The following RBM27 variants were observed in gnomAD, a reference collection of about 807,000 sequenced individuals.
RBM27 encodes RNA-binding protein 27.
A neutral mutation model predicts 135.3 loss-of-function variants in RBM27; 22 were observed. The observed-to-expected ratio is 0.16, with a 90% CI of 0.12 to 0.23. The LOEUF (loss-of-function observed/expected upper bound fraction) is 0.23, where lower values mean the gene tolerates loss of function less well. Among genes scored for constraint, RBM27 ranks in the 10% least tolerant of loss-of-function variants. The probability of loss-of-function intolerance (pLI) is 1.00; values close to 1 mark genes in which losing one functional copy is unlikely to be tolerated. For missense variants in RBM27, 1,009 were observed against 1,281.0 expected, an observed-to-expected ratio of 0.79 and a Z score of 3.24; for synonymous variants, 481 against 442.4, an observed-to-expected ratio of 1.09 and a Z score of -1.10.
intron 19 of RBM27, among the ~76,000 whole-genome samples, chr5:146,282,095 A>G (rs1759383508): frequency 7.1e-6 from 1 of 140,468 alleles, no homozygotes; most frequent in African/African-American, 2.7e-5. Flanking sequence ...CCTCCACCTC[A>G]TGGGTTCAAG....
At chr5:146,276,256 T>C (rs958884429) in intron 19 of RBM27, among the ~76,000 whole-genome samples, 1 of 152,196 alleles carries the variant, frequency 6.6e-6, no homozygotes, top group African/African-American at 2.4e-5. Context: ...TATTCTACTG[T>C]CATTTCAGTG....
At chr5:146,270,693 C>A (rs1312061206) in intron 17 of RBM27, among the ~76,000 whole-genome samples, 1 of 152,174 alleles carries the variant, frequency 6.6e-6, no homozygotes, top group Non-Finnish European at 1.5e-5. Context: ...TTATTCTCAG[C>A]TCCCTCATCT....
Position 146,286,614 on chromosome 5 carries a change from A to G in RBM27, c.*584A>G, listed in dbSNP as rs573378504. Reference sequence around the variant, plus strand: ...CATGGTTTTTATGTGTGGTAGTACTAGTTCAGTGAAAATCACAACAAACTG... The same window carrying G: ...CATGGTTTTTATGTGTGGTAGTACTGGTTCAGTGAAAATCACAACAAACTG... On this transcript the variant is annotated 3_prime_UTR_variant, in exon 21 of 21. Transcript: ENST00000265271. The G allele has an allele frequency of 6.6e-6, 1 of 151,426 alleles. No homozygotes were observed. Among genetic ancestry groups the G allele is most frequent in the Admixed American group, 6.6e-5 (1 of 15,194 alleles). 9.4% of individuals were successfully genotyped at this position (151,426 alleles called of 1,614,324 possible). A position where few individuals can be genotyped will look rare whatever the true frequency, so the allele number is the denominator to read the frequency against.
At chr5:146,231,103 C>T in intron 6 of RBM27, among the ~76,000 whole-genome samples, 186 bp downstream of exon 6, 1 of 151,910 alleles carries the variant, frequency 6.6e-6, no homozygotes, top group African/African-American at 2.4e-5. Context: ...CTCGCTGCAA[C>T]CTCCATCTCC....
rs1448655329 is a variant in RBM27 at position 146,288,799 on chromosome 5, A to G, written c.*2769A>G. The G allele has an allele frequency of 6.6e-6, 1 of 152,128 alleles. No individual in the cohort carries two copies. The highest frequency in any genetic ancestry group is 1.9e-4 in the East Asian group (1 of 5,202). 9.4% of individuals were successfully genotyped at this position (152,128 alleles called of 1,614,324 possible). On this transcript the variant is annotated 3_prime_UTR_variant, in exon 21 of 21. Transcript: ENST00000265271. The stretch of plus-strand genomic sequence containing the variant: ...ATTTCCCTCAATTTCTTTATGTAAC[A>G]TTGAAGAAATGTTGTTACCAGCTAA...
chr5:146,242,837 A>T (rs1757462319), intron 8 of RBM27, among the ~76,000 whole-genome samples: 1 of 151,888 alleles, frequency 6.6e-6, no homozygotes, highest in Non-Finnish European at 1.5e-5. Flanking sequence ...ACCTCAGGTG[A>T]TCCTTCCGAC....
chr5:146,224,804 C>G (rs1304138690), intron 3 of RBM27, among the ~76,000 whole-genome samples: 1 of 152,056 alleles, frequency 6.6e-6, no homozygotes, highest in Non-Finnish European at 1.5e-5. Flanking sequence ...GTCTCGAACT[C>G]CCACCTCTGC....
rs1344531455 is a variant in RBM27, at chr5:146,260,881, A to G, written c.1876A>G (p.Thr626Ala). ...KLNEHFSKFGTIVNIQVAFKG... is the reference protein window; with the variant it reads ...KLNEHFSKFGAIVNIQVAFKG... ...CAATGAACACTTCAGCAAATTTGGA[A>G]CTATTGTTAATATCCAGGTAAATGT... The change falls in exon 12 of 21, where the codon ACT (threonine) becomes GCT (alanine). Residue 626 changes from threonine to alanine, a missense_variant. By Grantham distance (58) the Thr-to-Ala change is moderately conservative. Coordinates refer to ENST00000265271, the MANE Select transcript of RBM27 (RefSeq NM_018989.2). The G allele has an allele frequency of 6.2e-7, 1 of 1,609,904 alleles. No individual in the cohort carries two copies. Among genetic ancestry groups the G allele is most frequent in the African/African-American group, 1.3e-5 (1 of 74,846 alleles).
chr5:146,258,314 T>G, intron 10 of RBM27, 135 bp from the exon 11 acceptor site: 1 of 601,324 alleles, frequency 1.7e-6, no homozygotes, highest in Non-Finnish European at 2.5e-6. Context: ...TTGTAACTTT[T>G]TCTTCTGTTA....
In RBM27 at chr5:146,288,354, A is replaced by G. The variant is rs1045603496; in HGVS notation, c.*2324A>G. The G allele has an allele frequency of 5.3e-5, 8 of 152,084 alleles. No individual in the cohort carries two copies. The highest frequency in any genetic ancestry group is 2.1e-4 in the South Asian group (1 of 4,832). The allele number at this position is 152,084 out of a possible 1,614,324, so 9.4% of individuals were successfully genotyped here. Reference sequence around the variant, plus strand: ...TTCAGTAAGGTTTGAGGCCCTTTCTATAAGTTTTCAGTACACCTTAAACAG... The same window carrying G: ...TTCAGTAAGGTTTGAGGCCCTTTCTGTAAGTTTTCAGTACACCTTAAACAG... On this transcript the variant is annotated 3_prime_UTR_variant, in exon 21 of 21. Transcript: ENST00000265271.
Position 146,288,954 on chromosome 5 carries a change from T to C in RBM27, c.*2924T>C, listed in dbSNP as rs547310921. 2 of 152,254 alleles carry C rather than the reference T, an allele frequency of 1.3e-5. No homozygotes were observed. The highest frequency in any genetic ancestry group is 4.8e-5 in the African/African-American group (2 of 41,600). The allele number at this position is 152,254 out of a possible 1,614,324, so 9.4% of individuals were successfully genotyped here. A position where few individuals can be genotyped will look rare whatever the true frequency, so the allele number is the denominator to read the frequency against. Reference sequence around the variant, plus strand: ...CTTGATGTATAGTATGCCTGTATTATAGTTTTTACAAAATTGTGAACTTGT... The same window carrying C: ...CTTGATGTATAGTATGCCTGTATTACAGTTTTTACAAAATTGTGAACTTGT... On this transcript the variant is annotated 3_prime_UTR_variant, in exon 21 of 21. Coordinates refer to ENST00000265271, the MANE Select transcript of RBM27 (RefSeq NM_018989.2).
At chr5:146,264,031 C>T (rs553107002) in intron 14 of RBM27, among the ~76,000 whole-genome samples, 53 of 150,356 alleles carry the variant, frequency 3.5e-4, no homozygotes, top group African/African-American at 8.1e-4. Context: ...CACTTGAACC[C>T]GAAGGAGGAG....
intron 1 of RBM27, among the ~76,000 whole-genome samples, chr5:146,207,260 T>C (rs1356463442): frequency 6.6e-6 from 1 of 152,140 alleles, no homozygotes; most frequent in East Asian, 1.9e-4. Context: ...TCTCTCACTG[T>C]TGCCCAGGCT....
chr5:146,271,196 T>C (rs939293310), intron 18 of RBM27, 138 bp downstream of exon 18: 10 of 633,308 alleles, frequency 1.6e-5, no homozygotes, highest in Admixed American at 2.9e-5. Context: ...AGGTCAAGAG[T>C]TTGAGACAAG....
chr5:146,226,620 A>G (rs1756687109), intron 3 of RBM27, among the ~76,000 whole-genome samples: 1 of 151,946 alleles, frequency 6.6e-6, no homozygotes, highest in African/African-American at 2.4e-5. Flanking sequence ...ACCTCAGGTG[A>G]TTCACCTGCC....
chr5:146,266,552 C>T (rs1020608847), intron 14 of RBM27, among the ~76,000 whole-genome samples: 3 of 152,156 alleles, frequency 2.0e-5, no homozygotes, highest in Non-Finnish European at 4.4e-5. Flanking sequence ...AGAAGTCTTA[C>T]ATTTGGATAT....
chr5:146,253,783 G>C (rs1191326864), intron 9 of RBM27, among the ~76,000 whole-genome samples: 2 of 152,256 alleles, frequency 1.3e-5, no homozygotes, highest in South Asian at 2.1e-4. Context: ...AGTATTGGGG[G>C]TGAGACGTTT....
At chr5:146,282,025 A>G (rs1230514513) in intron 19 of RBM27, among the ~76,000 whole-genome samples, 1 of 102,254 alleles carries the variant, frequency 9.8e-6, no homozygotes. Flanking sequence ...TTTTTTTGAG[A>G]TGGAGTCTCA....
chr5:146,251,627 C>A, intron 8 of RBM27, 84 bp from the exon 9 acceptor site: 1 of 1,338,608 alleles, frequency 7.5e-7, no homozygotes, highest in African/African-American at 1.5e-5. Flanking sequence ...CTGTTTTTGG[C>A]TCAAAGTCTC....
Sources: allele counts gnomAD v4.1 joint callset (sites outside exome capture counted in the v4.1 genomes callset), GRCh38; gene constraint gnomAD v4.1.1; transcripts MANE v1.5; gene names NCBI Gene and HGNC (gene_info 2026-07-23, HGNC 2026-07-21).